The following CNTNAP5 variants were observed in gnomAD, a reference collection of about 807,000 sequenced individuals.
CNTNAP5 encodes contactin associated protein family member 5.
In CNTNAP5, 72 loss-of-function variants were observed where a neutral mutation model predicts 150.2. That is an observed-to-expected ratio of 0.48 (90% CI 0.40 to 0.58). The LOEUF is 0.58. Ranked by LOEUF, CNTNAP5 falls within the 20% of genes least tolerant of loss-of-function variation. CNTNAP5 has a pLI of 0.00. For missense variants in CNTNAP5, 1,636 were observed against 1,626.2 expected (o/e 1.01, Z -0.10); for synonymous variants, 672 against 619.8 (o/e 1.08, Z -1.25).
chr2:124,482,255 G>T (rs958196779), intron 7 of CNTNAP5, among the ~76,000 whole-genome samples: 1 of 152,296 alleles, frequency 6.6e-6, no homozygotes, highest in African/African-American at 2.4e-5. Flanking sequence ...TCAGTGGAGG[G>T]TTGACTGATG....
At chr2:124,375,559 T>C (rs1406986614) in intron 3 of CNTNAP5, among the ~76,000 whole-genome samples, 1 of 151,970 alleles carries the variant, frequency 6.6e-6, no homozygotes, top group Admixed American at 6.6e-5. Flanking sequence ...CAATATGAGA[T>C]TATGGATTGG....
intron 1 of CNTNAP5, among the ~76,000 whole-genome samples, chr2:124,084,730 A>G (rs1177074059): frequency 6.6e-6 from 1 of 152,038 alleles, no homozygotes; most frequent in Non-Finnish European, 1.5e-5. Flanking sequence ...ACAAAAAAAT[A>G]CATTCATGTG....
chr2:124,910,484 C>A (rs181686470), intron 22 of CNTNAP5, among the ~76,000 whole-genome samples: 1 of 152,112 alleles, frequency 6.6e-6, no homozygotes, highest in East Asian at 2.0e-4. Context: ...TTAAATGACA[C>A]CTGACAGGAC....
intron 1 of CNTNAP5, among the ~76,000 whole-genome samples, chr2:124,165,751 A>G (rs1384846995): frequency 1.3e-5 from 2 of 152,170 alleles, no homozygotes; most frequent in Admixed American, 6.5e-5. Flanking sequence ...GGTAAAAGAC[A>G]TTAGACAGAA....
intron 17 of CNTNAP5, among the ~76,000 whole-genome samples, chr2:124,783,109 T>C (rs1286240548): frequency 2.0e-5 from 3 of 152,100 alleles, no homozygotes; most frequent in African/African-American, 4.8e-5. Flanking sequence ...TTAGAAGGGG[T>C]GGTTGGTGAC....
At chr2:124,538,256 T>C (rs1267380748) in intron 10 of CNTNAP5, among the ~76,000 whole-genome samples, 8 of 152,034 alleles carry the variant, frequency 5.3e-5, no homozygotes, top group Non-Finnish European at 2.9e-5. Context: ...GGAAACCCAG[T>C]TTGGTGGAGA....
chr2:124,290,874 C>CTTCCTTTA (rs1553455458), intron 3 of CNTNAP5, among the ~76,000 whole-genome samples: 6 of 148,444 alleles, frequency 4.0e-5, no homozygotes, highest in Non-Finnish European at 5.9e-5. Context: ...ATCTTCCTTC[C>CTTCCTTTA]TTTATTTATT....
chr2:124,226,245 T>C (rs1225941400), intron 2 of CNTNAP5, among the ~76,000 whole-genome samples: 1 of 151,996 alleles, frequency 6.6e-6, no homozygotes, highest in Non-Finnish European at 1.5e-5. Context: ...AAGAGTTCTG[T>C]TTTCTCCACC....
chr2:124,684,754 G>C (rs1679153254), intron 13 of CNTNAP5, among the ~76,000 whole-genome samples: 1 of 150,482 alleles, frequency 6.6e-6, no homozygotes, highest in Non-Finnish European at 1.5e-5. Context: ...CAGGCAGTGT[G>C]CTAGGAGATC....
chr2:124,028,412 A>G (rs1680957028), intron 1 of CNTNAP5, among the ~76,000 whole-genome samples: 1 of 152,070 alleles, frequency 6.6e-6, no homozygotes, highest in South Asian at 2.1e-4. Flanking sequence ...CCAATTATAG[A>G]TTTTATAAGT....
intron 3 of CNTNAP5, among the ~76,000 whole-genome samples, chr2:124,264,795 A>ATATTTT (rs1255932760): frequency 2.0e-5 from 3 of 152,056 alleles, no homozygotes; most frequent in African/African-American, 7.2e-5. Context: ...GTCATTCCTG[A>ATATTTT]TATTTTATTT....
intron 19 of CNTNAP5, among the ~76,000 whole-genome samples, chr2:124,801,295 A>C (rs1007829920): frequency 2.0e-5 from 3 of 152,218 alleles, no homozygotes; most frequent in Admixed American, 1.3e-4. Context: ...TGAGAGACTA[A>C]AAAATCTGCC....
At chr2:124,161,570 G>A (rs1253393395) in intron 1 of CNTNAP5, among the ~76,000 whole-genome samples, 1 of 152,116 alleles carries the variant, frequency 6.6e-6, no homozygotes, top group Non-Finnish European at 1.5e-5. Context: ...AATGTATTAA[G>A]TATGTGTTTG....
At chr2:124,813,555 G>A (rs1159793165) in intron 19 of CNTNAP5, among the ~76,000 whole-genome samples, 1 of 147,662 alleles carries the variant, frequency 6.8e-6, no homozygotes, top group South Asian at 2.1e-4. Context: ...TTACTTACAG[G>A]GGCAACTTTA....
At chr2:124,689,725 G>T (rs919450493) in intron 13 of CNTNAP5, among the ~76,000 whole-genome samples, 5 of 152,110 alleles carry the variant, frequency 3.3e-5, no homozygotes, top group Admixed American at 6.6e-5. Context: ...TATCTCTGCA[G>T]CATAGGTCAA....
chr2:124,820,580 G>A (rs1379485259), intron 19 of CNTNAP5, among the ~76,000 whole-genome samples: 1 of 152,002 alleles, frequency 6.6e-6, no homozygotes, highest in Non-Finnish European at 1.5e-5. Context: ...CATTAAATAG[G>A]TACAATCCAA....
intron 10 of CNTNAP5, among the ~76,000 whole-genome samples, chr2:124,535,337 T>G (rs891607788): frequency 4.6e-5 from 7 of 152,218 alleles, no homozygotes; most frequent in Non-Finnish European, 1.0e-4. Context: ...GCTGTAATCC[T>G]TTCTACAATT....
Position 124,789,923 on chromosome 2 carries a change from A to G in CNTNAP5, c.2774A>G (p.Lys925Arg). The G allele has an allele frequency of 6.2e-7, 1 of 1,613,204 alleles. No individual in the cohort carries two copies. Among genetic ancestry groups the G allele is most frequent in the Non-Finnish European group, 8.5e-7 (1 of 1,179,422 alleles). ...LFVGGTSSRQ[K>R]GFLGCIRSLH... ...TTAGGGGGAACGTCATCCAGACAGA[A>G]AGGCTTCCTAGGATGCATTCGCTCC... is the stretch of plus-strand genomic sequence containing the variant. Residue 925 changes from lysine (K) to arginine (R), a missense_variant, in exon 18 of 24, where the codon AAA becomes AGA. Lys to Arg is a conservative substitution (Grantham distance 26). Transcript: ENST00000682447.
At position 124,538,550 on chromosome 2, in the gene CNTNAP5, GAGAA is replaced by G. The variant is rs1025382197; in HGVS notation, c.1649+11104_1649+11107del. 6.4e-4 allele frequency among the ~76,000 whole-genome samples: 78 copies of G among 122,128 alleles called. 1 individual carries two copies. The highest frequency in any genetic ancestry group is 1.0e-3 in the Non-Finnish European group (59 of 58,202). The allele number at this position is 122,128 out of a possible 152,430, so 80.1% of individuals were successfully genotyped here. A position where few individuals can be genotyped will look rare whatever the true frequency, so the allele number is the denominator to read the frequency against. On this transcript the variant is annotated intron_variant, in intron 10 of 23. Transcript: ENST00000682447. Reference sequence around the variant, plus strand: ...AAAGAAGGAAAGAAAGAAAGAAAGAGAGAAAGAAAGAAAAGAAAGAAAGAAAGAA... The same window carrying G: ...AAAGAAGGAAAGAAAGAAAGAAAGAGAGAAAGAAAAGAAAGAAAGAAAGAA...
Sources: gnomAD v4.1 joint callset for allele counts (sites outside exome capture counted in the v4.1 genomes callset) on GRCh38, gnomAD v4.1.1 for gene constraint, MANE v1.5 for transcripts, NCBI Gene and HGNC (gene_info 2026-07-23, HGNC 2026-07-21) for gene names.